ARHGAP20: variants seen among roughly 807,000 people sequenced by gnomAD.
The protein encoded by ARHGAP20 is Rho GTPase activating protein 20.
Under a neutral mutation model 73.7 loss-of-function variants are expected in ARHGAP20, and 34 were observed. That is an observed-to-expected ratio of 0.46 (90% CI 0.35 to 0.61). The LOEUF (loss-of-function observed/expected upper bound fraction) is 0.61. Among genes scored for constraint, ARHGAP20 ranks in the 20% least tolerant of loss-of-function variants. The probability of loss-of-function intolerance (pLI) is 0.00; values close to 1 mark genes in which losing one functional copy is unlikely to be tolerated. For synonymous variants in ARHGAP20, 523 were observed against 518.2 expected (o/e 1.01, Z -0.13); for missense variants, 1,314 against 1,420.9 (o/e 0.92, Z 1.21).
At chr11:110,662,168 A>C (rs766841309) in intron 2 of ARHGAP20, among the ~76,000 whole-genome samples, 7 of 151,842 alleles carry the variant, frequency 4.6e-5, no homozygotes, top group African/African-American at 4.8e-5. Context: ...ATAGTTGCTT[A>C]TATCAAAAAG....
intron 2 of ARHGAP20, among the ~76,000 whole-genome samples, chr11:110,633,963 AG>A (rs1457033122): frequency 1.2e-4 from 19 of 152,214 alleles, no homozygotes; most frequent in Admixed American, 1.0e-3. Flanking sequence ...GCACAAAATA[AG>A]AAAAAAGGCA....
At chr11:110,584,868 A>T (rs1478331943) in intron 12 of ARHGAP20, among the ~76,000 whole-genome samples, 3 of 150,964 alleles carry the variant, frequency 2.0e-5, no homozygotes, top group Non-Finnish European at 3.0e-5. Context: ...TGAATATATA[A>T]ATGAATATAT....
intron 1 of ARHGAP20, among the ~76,000 whole-genome samples, chr11:110,704,379 C>T (rs1950515902): frequency 6.6e-6 from 1 of 152,086 alleles, no homozygotes; most frequent in Non-Finnish European, 1.5e-5. Context: ...CACAAGTGAC[C>T]AGACATCCAA....
intron 2 of ARHGAP20, among the ~76,000 whole-genome samples, chr11:110,678,780 C>A (rs1949982561): frequency 6.6e-6 from 1 of 152,146 alleles, no homozygotes; most frequent in African/African-American, 2.4e-5. Context: ...CCCACCTCAG[C>A]CTCCTGAGTA....
In ARHGAP20 at chr11:110,578,348, A is replaced by C; in HGVS notation, c.*1022T>G. 6.1e-6 allele frequency: 6 copies of C among 985,462 alleles called. No individual in the cohort carries two copies. The highest frequency in any genetic ancestry group is 7.2e-6 in the Non-Finnish European group (6 of 829,940). 61.0% of individuals were successfully genotyped at this position (985,462 alleles called of 1,614,324 possible). A position where few individuals can be genotyped will look rare whatever the true frequency, so the allele number is the denominator to read the frequency against. ...CCTCAATATTGCTCTCTCAATTGCC[A>C]AACTACAAAAATCAGAAAAGGGATG... On this transcript the variant is annotated 3_prime_UTR_variant, in exon 15 of 15. Coordinates refer to ENST00000683387, the MANE Select transcript of ARHGAP20 (RefSeq NM_001384657.1).
At chr11:110,651,096 C>G (rs1450463666) in intron 2 of ARHGAP20, among the ~76,000 whole-genome samples, 1 of 152,142 alleles carries the variant, frequency 6.6e-6, no homozygotes. Flanking sequence ...CTCAAAACCA[C>G]ACAACTACAT....
At chr11:110,662,402 T>C (rs1313502908) in intron 2 of ARHGAP20, among the ~76,000 whole-genome samples, 2 of 151,920 alleles carry the variant, frequency 1.3e-5, no homozygotes, top group African/African-American at 2.4e-5. Context: ...TAATCACACA[T>C]AGAAAAACTA....
chr11:110,584,905 G>T (rs1165640702), intron 12 of ARHGAP20, among the ~76,000 whole-genome samples: 2 of 135,866 alleles, frequency 1.5e-5, no homozygotes, highest in Non-Finnish European at 3.2e-5. Context: ...GAATATATGT[G>T]AATATATATA....
At chr11:110,603,846 C>CA (rs1242802884) in intron 9 of ARHGAP20, among the ~76,000 whole-genome samples, 1 of 152,114 alleles carries the variant, frequency 6.6e-6, no homozygotes, top group Admixed American at 6.5e-5. Flanking sequence ...TTTGGCAGTA[C>CA]ATATGTGAGA....
Position 110,586,239 on chromosome 11 carries a change from T to A in ARHGAP20, c.1392A>T (p.Glu464Asp). The change falls in exon 12 of 15, where the codon GAA becomes GAT. Residue 464 changes from glutamate to aspartate, a missense_variant. Glu to Asp is a conservative substitution (Grantham distance 45). Transcript: ENST00000683387. ...WVSVMDQGND[E>D]EKINTVQRLL... is the part of the protein sequence containing the mutation. The stretch of plus-strand genomic sequence containing the variant: ...ACCTTTGAACAGTATTTATTTTCTC[T>A]TCATCATTTCCTTGATCCATTACAG... 1 of 1,547,038 alleles carries A rather than the reference T, an allele frequency of 6.5e-7. No individual in the cohort carries two copies. The highest frequency in any genetic ancestry group is 8.7e-7 in the Non-Finnish European group (1 of 1,144,884).
At chr11:110,623,123 A>G (rs1948664133) in intron 4 of ARHGAP20, among the ~76,000 whole-genome samples, 1 of 151,916 alleles carries the variant, frequency 6.6e-6, no homozygotes, top group Admixed American at 6.6e-5. Flanking sequence ...TTTTTTTTCC[A>G]AATCAGTTCT....
chr11:110,696,376 C>T (rs1419638183), intron 1 of ARHGAP20, among the ~76,000 whole-genome samples: 1 of 151,608 alleles, frequency 6.6e-6, no homozygotes, highest in African/African-American at 2.4e-5. Flanking sequence ...AACCACTGGG[C>T]TCCAGCCCAG....
chr11:110,678,414 TG>T (rs778104414), intron 2 of ARHGAP20, among the ~76,000 whole-genome samples: 27 of 152,218 alleles, frequency 1.8e-4, no homozygotes, highest in Non-Finnish European at 3.7e-4. Context: ...AAAAAGATGT[TG>T]TCTGGCCCCT....
At chr11:110,664,270 T>C (rs747648487) in intron 2 of ARHGAP20, among the ~76,000 whole-genome samples, 2 of 152,150 alleles carry the variant, frequency 1.3e-5, no homozygotes, top group South Asian at 2.1e-4. Flanking sequence ...TGGTAGTCTA[T>C]GTGGAAAGTT....
chr11:110,614,529 G>C (rs767888419), intron 6 of ARHGAP20, 32 bp downstream of exon 6: 69 of 1,571,806 alleles, frequency 4.4e-5, no homozygotes, highest in Non-Finnish European at 6.0e-5. Context: ...GCAGGGACTT[G>C]GAATTTAATT....
At position 110,580,821 on chromosome 11, in the gene ARHGAP20, C is replaced by T. The variant is rs368565272; in HGVS notation, c.2125G>A (p.Asp709Asn). ...RHRRCSEPSI[D>N]YLDSKLSYLR... Reference sequence around the variant, plus strand: ...TAGGAAAGCTTTGAATCCAGATAGTCGATGCTGGGCTCTGAGCAACGCCGG... The same window carrying T: ...TAGGAAAGCTTTGAATCCAGATAGTTGATGCTGGGCTCTGAGCAACGCCGG... The change falls in exon 15 of 15, where the codon GAC becomes AAC. Residue 709 changes from aspartate (D) to asparagine (N), a missense_variant. Asp to Asn is a conservative substitution (Grantham distance 23). Transcript: ENST00000683387. The T allele has an allele frequency of 2.4e-5, 39 of 1,614,018 alleles. No homozygotes were observed. In the African/African-American group the frequency reaches 2.8e-4, roughly 12 times the overall value.
chr11:110,688,627 G>C (rs1300494770), intron 2 of ARHGAP20, among the ~76,000 whole-genome samples: 1 of 151,948 alleles, frequency 6.6e-6, no homozygotes, highest in Non-Finnish European at 1.5e-5. Context: ...TGTCCCTTGA[G>C]GTTTCTAGAT....
At chr11:110,681,604 C>T (rs761481636) in intron 2 of ARHGAP20, among the ~76,000 whole-genome samples, 1 of 152,146 alleles carries the variant, frequency 6.6e-6, no homozygotes, top group Non-Finnish European at 1.5e-5. Flanking sequence ...GTATGATAAG[C>T]TATTATCCAC....
chr11:110,628,397 A>T (rs902948626), intron 3 of ARHGAP20, among the ~76,000 whole-genome samples: 2 of 152,198 alleles, frequency 1.3e-5, no homozygotes, highest in African/African-American at 4.8e-5. Context: ...ATTTCATAAA[A>T]ATTAAGTTCT....
Sources: gnomAD v4.1 joint callset for allele counts (sites outside exome capture counted in the v4.1 genomes callset) on GRCh38, gnomAD v4.1.1 for gene constraint, MANE v1.5 for transcripts, NCBI Gene and HGNC (gene_info 2026-07-23, HGNC 2026-07-21) for gene names.